Variants in CEACAM21 observed in about 807,000 individuals in gnomAD.
CEACAM21 encodes the protein CEA cell adhesion molecule 21, also known as cell adhesion molecule CEACAM21.
In CEACAM21, 38 loss-of-function variants were observed where a neutral mutation model predicts 33.2. The ratio of observed to expected loss-of-function variants is 1.14; its 90% CI spans 0.88 to 1.50. The LOEUF is 1.50. CEACAM21 is among the 40% of genes most tolerant of loss of function. CEACAM21 has a pLI of 0.00. For synonymous variants in CEACAM21, 156 were observed against 143.0 expected, an observed-to-expected ratio of 1.09 and a Z score of -0.65; for missense variants, 385 against 364.6, an observed-to-expected ratio of 1.06 and a Z score of -0.46.
chr19:41,549,555 A>G (rs1277039876), intron 1 of CEACAM21: 3 of 152,186 alleles, frequency 2.0e-5, no homozygotes, highest in Non-Finnish European at 2.9e-5. Flanking sequence ...GGACACAGGT[A>G]TTAGCTTTTC....
At position 41,577,214 on chromosome 19, in the gene CEACAM21, T is replaced by C. The variant is rs782657891; in HGVS notation, c.79T>C (p.Phe27Leu). 2.7e-5 allele frequency: 44 copies of C among 1,613,974 alleles called. No homozygotes were observed. The highest frequency in any genetic ancestry group is 3.5e-5 in the Non-Finnish European group (41 of 1,180,024). ...CCCTTTCCTAGCCTCACTTTTAACTTTCTGGAACGCACCCACCACTGCCTG... is the reference window on the plus strand; with the variant it reads ...CCCTTTCCTAGCCTCACTTTTAACTCTCTGGAACGCACCCACCACTGCCTG... ...GLLLTASLLT[F>L]WNAPTTAWLF... is the part of the protein sequence containing the mutation. Residue 27 changes from phenylalanine to leucine, a missense_variant, in exon 2 of 7, where the codon TTC becomes CTC. Phe to Leu is a conservative substitution (Grantham distance 22). Coordinates refer to ENST00000401445, the MANE Select transcript of CEACAM21 (RefSeq NM_001098506.4).
Position 41,579,535 on chromosome 19 carries a change from C to T in CEACAM21, c.607C>T (p.Pro203Ser). The T allele has an allele frequency of 2.5e-6, 4 of 1,612,890 alleles. No homozygotes were observed. The highest frequency in any genetic ancestry group is 3.4e-6 in the Non-Finnish European group (4 of 1,179,368). Residue 203 changes from proline to serine, a missense_variant, in exon 3 of 7, where the codon CCC (proline) becomes TCC (serine). Physicochemically the swap from Pro to Ser is moderately conservative, Grantham distance 74. Transcript: ENST00000401445. ...GTTTAACCATGTGCTCACCATAGAC[C>T]CCATCAGGCAGGAGGACGCTGGGGA... ...SWFNHVLTID[P>S]IRQEDAGEYQ...
At chr19:41,556,073 AC>A (rs1291584363) in intron 1 of CEACAM21, among the ~76,000 whole-genome samples, 15 of 152,258 alleles carry the variant, frequency 9.9e-5, no homozygotes, top group Middle Eastern at 3.4e-3. Context: ...AGAACAGGAG[AC>A]CCCCAAAAGG....
chr19:41,568,479 G>A (rs2042404848), intron 2 of CEACAM21, among the ~76,000 whole-genome samples: 1 of 152,130 alleles, frequency 6.6e-6, no homozygotes, highest in African/African-American at 2.4e-5. Context: ...GTGAGGGATA[G>A]GGTCTAGGTT....
chr19:41,586,132 C>A, intron 6 of CEACAM21: 1 of 602,752 alleles, frequency 1.7e-6, no homozygotes, highest in Non-Finnish European at 3.0e-6. Flanking sequence ...TGTCCCCTGA[C>A]ACCCCTCTCT....
Position 41,576,282 on chromosome 19 carries a change from C to T in CEACAM21, c.8C>T (p.Pro3Leu), listed in dbSNP as rs782578961. 4 of 1,613,586 alleles carry T rather than the reference C, an allele frequency of 2.5e-6. No individual in the cohort carries two copies. In the Admixed American group the frequency reaches 5.0e-5, roughly 20 times the overall value. MGPPSACPHRECI... is the reference protein window; with the variant it reads MGLPSACPHRECI... ...GAGCAGGCAGCAGAGACCATGGGGCCCCCCTCAGCTTGTCCCCACAGAGAA... is the reference window on the plus strand; with the variant it reads ...GAGCAGGCAGCAGAGACCATGGGGCTCCCCTCAGCTTGTCCCCACAGAGAA... Residue 3 changes from proline (P) to leucine (L), a missense_variant, in exon 1 of 7, where the codon CCC (proline) becomes CTC (leucine). Pro to Leu is a moderately conservative substitution (Grantham distance 98, BLOSUM62 -3). Transcript: ENST00000401445.
At chr19:41,572,374 C>T (rs2042667357), upstream of CEACAM21, among the ~76,000 whole-genome samples, 1 of 152,194 alleles carries the variant, frequency 6.6e-6, no homozygotes, top group Admixed American at 6.5e-5. Flanking sequence ...GGGTCACCCC[C>T]TCCCAGAGCA....
intron 1 of CEACAM21, among the ~76,000 whole-genome samples, chr19:41,558,918 TA>T (rs1450086141): frequency 2.0e-5 from 3 of 152,218 alleles, no homozygotes; most frequent in African/African-American, 7.2e-5. Flanking sequence ...AAAATTTCAT[TA>T]GAGAATTTGT....
In CEACAM21 at chr19:41,568,166, GATGTATATATTTACAAATATAT is replaced by G. The variant is rs1253915917; in HGVS notation, c.-404+3133_-404+3154del. On this transcript the variant is annotated intron_variant, in intron 2 of 7. Coordinates refer to the CEACAM21 transcript ENST00000407170. ...TATTTTGGATATTATCTTCTTATCAGATGTATATATTTACAAATATATATGTATATATTTACAAATATATTCT... is the reference window on the plus strand; with the variant it reads ...TATTTTGGATATTATCTTCTTATCAGATGTATATATTTACAAATATATTCT... Among the ~76,000 whole-genome samples, 250 of 152,014 alleles carry G rather than the reference GATGTATATATTTACAAATATAT, an allele frequency of 1.6e-3. 1 individual carries two copies. Among genetic ancestry groups the G allele is most frequent in the African/African-American group, 5.1e-3 (211 of 41,486 alleles).
At chr19:41,552,251 C>T (rs552571710) in intron 1 of CEACAM21, 1 of 152,190 alleles carries the variant, frequency 6.6e-6, no homozygotes, top group Non-Finnish European at 1.5e-5. Flanking sequence ...GGGGCTATTA[C>T]CCTGACCTTG....
At chr19:41,568,951 G>T (rs2042429744) in intron 2 of CEACAM21, among the ~76,000 whole-genome samples, 1 of 152,118 alleles carries the variant, frequency 6.6e-6, no homozygotes, top group Non-Finnish European at 1.5e-5. Flanking sequence ...TCTTCTATTT[G>T]TGCGTGTGTC....
At chr19:41,558,299 T>G (rs1278117139) in intron 1 of CEACAM21, among the ~76,000 whole-genome samples, 1 of 152,232 alleles carries the variant, frequency 6.6e-6, no homozygotes, top group Non-Finnish European at 1.5e-5. Context: ...TTTTAAATTT[T>G]AAAAACATTT....
intron 2 of CEACAM21, 152 bp from the exon 3 acceptor site, chr19:41,579,201 C>G: frequency 3.9e-6 from 5 of 1,277,146 alleles, no homozygotes; most frequent in Non-Finnish European, 5.5e-6. Context: ...GTCCCTACTG[C>G]TCGCTGCTAT....
In CEACAM21 at chr19:41,577,424, G is replaced by T. The variant is rs781931004; in HGVS notation, c.289G>T (p.Gly97Cys). The T allele has an allele frequency of 1.2e-6, 2 of 1,614,010 alleles. No homozygotes were observed. ...TAGGACTCCAGGGCCTGCATACAGCGGTCGAGAGACAATATCACCCAGTGG... is the reference window on the plus strand; with the variant it reads ...TAGGACTCCAGGGCCTGCATACAGCTGTCGAGAGACAATATCACCCAGTGG... ...HVRTPGPAYS[G>C]RETISPSGDL... is the part of the protein sequence containing the mutation. The change falls in exon 2 of 7, where the codon GGT becomes TGT. Residue 97 changes from glycine to cysteine, a missense_variant. By Grantham distance (159) the Gly-to-Cys change is radical. Transcript: ENST00000401445.
chr19:41,574,326 C>A (rs577443095), upstream of CEACAM21, among the ~76,000 whole-genome samples: 1 of 152,126 alleles, frequency 6.6e-6, no homozygotes, highest in South Asian at 2.1e-4. Context: ...GCATAAGTAA[C>A]AAAATTAAAA....
chr19:41,555,485 C>A (rs1475976131), intron 1 of CEACAM21: 1 of 151,878 alleles, frequency 6.6e-6, no homozygotes, highest in Non-Finnish European at 1.5e-5. Context: ...GACCTCTGAT[C>A]TCACAGAAGC....
chr19:41,564,331 A>ATTATTTATTTATTTATTTAT (rs60410378), intron 1 of CEACAM21, among the ~76,000 whole-genome samples: 67 of 148,426 alleles, frequency 4.5e-4, no homozygotes, highest in African/African-American at 1.5e-3. Context: ...TGAGTTATTT[A>ATTATTTATTTATTTATTTAT]TTATTTATTT....
intron 2 of CEACAM21, 23 bp from the exon 3 acceptor site, chr19:41,579,330 T>A (rs1568610980): frequency 6.2e-7 from 1 of 1,613,984 alleles, no homozygotes; most frequent in Non-Finnish European, 8.5e-7. Flanking sequence ...CAAGACACTT[T>A]CTGTTGGTCA....
At chr19:41,561,041 G>A (rs1360400964) in intron 1 of CEACAM21, among the ~76,000 whole-genome samples, 12 of 152,186 alleles carry the variant, frequency 7.9e-5, no homozygotes, top group Non-Finnish European at 1.6e-4. Flanking sequence ...TGACATTATT[G>A]TCTATATGGA....
Sources: gnomAD v4.1 joint callset for allele counts (sites outside exome capture counted in the v4.1 genomes callset) on GRCh38, gnomAD v4.1.1 for gene constraint, MANE v1.5 for transcripts, NCBI Gene and HGNC (gene_info 2026-07-23, HGNC 2026-07-21) for gene names.